The following SMOC2 variants were observed in gnomAD, a reference collection of about 807,000 sequenced individuals.
The protein encoded by SMOC2 is SPARC related modular calcium binding 2.
SMOC2 carries 39 observed loss-of-function variants against 61.4 expected under a neutral mutation model. The ratio of observed to expected loss-of-function variants is 0.64; its 90% CI spans 0.49 to 0.83. SMOC2 has a LOEUF of 0.83. SMOC2 is among the 40% of genes least tolerant of loss of function. The pLI is 0.00. For synonymous variants in SMOC2, 247 were observed against 239.9 expected, an observed-to-expected ratio of 1.03 and a Z score of -0.27; for missense variants, 556 against 592.9, an observed-to-expected ratio of 0.94 and a Z score of 0.65.
chr6:168,643,919 C>T (rs1364323466), intron 9 of SMOC2, among the ~76,000 whole-genome samples: 2 of 152,310 alleles, frequency 1.3e-5, no homozygotes, highest in East Asian at 3.9e-4. Flanking sequence ...GACAGGAATG[C>T]TGTAGTCCTG....
chr6:168,544,238 C>G lies in SMOC2; in HGVS notation c.511+566C>G, dbSNP rs1783941934. 6.6e-6 allele frequency among the ~76,000 whole-genome samples: 1 copy of G among 152,228 alleles called. No individual in the cohort carries two copies. The highest frequency in any genetic ancestry group is 2.4e-5 in the African/African-American group (1 of 41,470). On this transcript the variant is annotated intron_variant, in intron 5 of 12. Transcript: ENST00000356284. The surrounding 1 kb of genome is among the most constrained non-coding windows in gnomAD (Gnocchi z 4.1). ...CCTGGGAAAGTCTCCATCCTCTTCT[C>G]TGCCCTTGCCTCGGCCAACACCCTT...
chr6:168,482,865 ACT>A (rs1269715078), intron 1 of SMOC2, among the ~76,000 whole-genome samples: 2 of 152,030 alleles, frequency 1.3e-5, no homozygotes, highest in African/African-American at 2.4e-5. Flanking sequence ...ATGACTAAAA[ACT>A]CTCAATAAAC....
intron 8 of SMOC2, among the ~76,000 whole-genome samples, chr6:168,601,806 A>AC (rs1298674296): frequency 6.8e-4 from 104 of 152,316 alleles, no homozygotes; most frequent in African/African-American, 2.4e-3. Flanking sequence ...CACTATTGTG[A>AC]TAGGCTAGAA....
At chr6:168,597,834 C>G (rs763194322) in intron 7 of SMOC2, among the ~76,000 whole-genome samples, 1 of 152,212 alleles carries the variant, frequency 6.6e-6, no homozygotes, top group South Asian at 2.1e-4. Flanking sequence ...CGCTCTCCCC[C>G]CAGGTGAGGG....
intron 2 of SMOC2, 74 bp from the exon 3 acceptor site, chr6:168,526,272 C>T: frequency 7.2e-7 from 1 of 1,384,564 alleles, no homozygotes; most frequent in Non-Finnish European, 1.0e-6. Context: ...GCCTTCACAT[C>T]TTTCAATGTT....
In SMOC2 at chr6:168,650,774, C is replaced by G; in HGVS notation, c.1001C>G (p.Ser334Trp). The stretch of plus-strand genomic sequence containing the variant: ...CACGCCGCCTCCGACCCCTCCTCCT[C>G]GTCAGGCAGGTACGCTGTGTTCGCC... The part of the protein sequence containing the change: ...MVHAASDPSS[S>W]SGRLSEPDPS... The change falls in exon 10 of 13, where the codon TCG (serine) becomes TGG (tryptophan). Residue 334 changes from serine (S) to tryptophan (W), a missense_variant. Physicochemically the swap from Ser to Trp is radical, Grantham distance 177. Coordinates refer to ENST00000356284, the MANE Select transcript of SMOC2 (RefSeq NM_001166412.2). The G allele has an allele frequency of 6.2e-7, 1 of 1,611,196 alleles. No individual in the cohort carries two copies. Among genetic ancestry groups the G allele is most frequent in the Admixed American group, 1.7e-5 (1 of 59,992 alleles).
intron 7 of SMOC2, among the ~76,000 whole-genome samples, chr6:168,582,121 G>C (rs1305032108): frequency 6.6e-6 from 1 of 152,248 alleles, no homozygotes; most frequent in African/African-American, 2.4e-5. Context: ...TCCAGGCACA[G>C]AGCGGGAGCT....
chr6:168,551,428 TTTATTTA>T (rs1562342628), intron 7 of SMOC2, among the ~76,000 whole-genome samples: 156 of 12,416 alleles, frequency 0.013, 1 homozygote, highest in African/African-American at 0.11. Flanking sequence ...CTTTATTTTA[TTTATTTA>T]TTTATTTATT....
At chr6:168,576,555 C>T (rs940952644) in intron 7 of SMOC2, among the ~76,000 whole-genome samples, 10 of 152,060 alleles carry the variant, frequency 6.6e-5, no homozygotes, top group Admixed American at 2.6e-4. Flanking sequence ...CTTCAGACCT[C>T]GCTCTGAGAA....
At position 168,544,113 on chromosome 6, in the gene SMOC2, A is replaced by C. The variant is rs1042436957; in HGVS notation, c.511+441A>C. On this transcript the variant is annotated intron_variant, in intron 5 of 12. Coordinates refer to ENST00000356284, the MANE Select transcript of SMOC2 (RefSeq NM_001166412.2). This position sits in a 1 kb window ranked among gnomAD's most constrained non-coding sequence, Gnocchi z 4.1. ...AATCCCTGCCTCTGAGACTGGTACA[A>C]ACAAGAGCTGAACAGAACCCTTAAC... is the stretch of plus-strand genomic sequence containing the variant. 6.6e-6 allele frequency among the ~76,000 whole-genome samples: 1 copy of C among 152,178 alleles called. No homozygotes were observed. The highest frequency in any genetic ancestry group is 2.4e-5 in the African/African-American group (1 of 41,452).
chr6:168,494,688 C>T (rs1451637027), intron 1 of SMOC2, among the ~76,000 whole-genome samples: 1 of 152,216 alleles, frequency 6.6e-6, no homozygotes, highest in Non-Finnish European at 1.5e-5. Context: ...TGGAGAAATG[C>T]ACCTCTCCTC....
chr6:168,633,525 A>G (rs1786626791), intron 9 of SMOC2, among the ~76,000 whole-genome samples: 1 of 152,236 alleles, frequency 6.6e-6, no homozygotes, highest in Admixed American at 6.5e-5. Context: ...GAAAGAGGAA[A>G]ATAAAATATG....
Position 168,667,928 on chromosome 6 carries a change from T to C in SMOC2, c.*1490T>C, listed in dbSNP as rs1483302811. 1 of 152,272 alleles carries C rather than the reference T, an allele frequency of 6.6e-6. No individual in the cohort carries two copies. The highest frequency in any genetic ancestry group is 1.5e-5 in the Non-Finnish European group (1 of 68,052). 9.4% of individuals were successfully genotyped at this position (152,272 alleles called of 1,614,324 possible). ...ATCCTAAACTTTTTGGATAATCTTTTATATTTCTGACCTTTGAATTTAATC... is the reference window on the plus strand; with the variant it reads ...ATCCTAAACTTTTTGGATAATCTTTCATATTTCTGACCTTTGAATTTAATC... On this transcript the variant is annotated 3_prime_UTR_variant, in exon 13 of 13. Transcript: ENST00000356284.
intron 7 of SMOC2, among the ~76,000 whole-genome samples, chr6:168,597,844 G>T (rs1026796280): frequency 6.6e-6 from 1 of 152,144 alleles, no homozygotes; most frequent in Non-Finnish European, 1.5e-5. Context: ...CCAGGTGAGG[G>T]CCAGTCAGGA....
intron 7 of SMOC2, among the ~76,000 whole-genome samples, chr6:168,597,078 A>G (rs2115182518): frequency 6.6e-6 from 1 of 152,358 alleles, no homozygotes; most frequent in South Asian, 2.1e-4. Flanking sequence ...CACTCTTTCA[A>G]GTGGCTGAGT....
intron 7 of SMOC2, among the ~76,000 whole-genome samples, chr6:168,572,126 C>T (rs112880938): frequency 4.9e-4 from 17 of 34,610 alleles, no homozygotes; most frequent in African/African-American, 4.7e-3. Flanking sequence ...CCCGCATCCC[C>T]GGGTGCCGGG....
At chr6:168,629,432 C>T (rs1332416187) in intron 9 of SMOC2, among the ~76,000 whole-genome samples, 1 of 152,268 alleles carries the variant, frequency 6.6e-6, no homozygotes, top group African/African-American at 2.4e-5. Context: ...CCAGGCAGGG[C>T]ACCTGTCGCC....
At chr6:168,646,842 G>A (rs973396994) in intron 9 of SMOC2, among the ~76,000 whole-genome samples, 1 of 152,196 alleles carries the variant, frequency 6.6e-6, no homozygotes, top group Non-Finnish European at 1.5e-5. Context: ...CAGATGTCAA[G>A]GACTTGGATT....
At chr6:168,575,846 T>C (rs911245905) in intron 7 of SMOC2, among the ~76,000 whole-genome samples, 2 of 152,138 alleles carry the variant, frequency 1.3e-5, no homozygotes, top group Non-Finnish European at 1.5e-5. Flanking sequence ...TCCTTGATCA[T>C]CACTCAGTTC....
Sources: allele counts gnomAD v4.1 joint callset (sites outside exome capture counted in the v4.1 genomes callset), GRCh38; gene constraint gnomAD v4.1.1; non-coding constraint Gnocchi (gnomAD v3.1); transcripts MANE v1.5; gene names NCBI Gene and HGNC (gene_info 2026-07-23, HGNC 2026-07-21).